Variants in NUP188 observed in about 807,000 individuals in gnomAD.
NUP188 encodes the protein nucleoporin 188.
A neutral mutation model predicts 223.0 loss-of-function variants in NUP188; 97 were observed. The observed-to-expected ratio is 0.43, with a 90% CI of 0.37 to 0.51. The LOEUF is 0.51. NUP188 is among the 20% of genes least tolerant of loss of function. NUP188 has a pLI of 0.00. For missense variants in NUP188, 1,947 were observed against 2,175.6 expected, an observed-to-expected ratio of 0.89 and a Z score of 2.09; for synonymous variants, 869 against 828.0, an observed-to-expected ratio of 1.05 and a Z score of -0.85.
intron 10 of NUP188, among the ~76,000 whole-genome samples, chr9:128,970,465 A>G (rs911937998): frequency 6.6e-6 from 1 of 152,224 alleles, no homozygotes; most frequent in Non-Finnish European, 1.5e-5. Context: ...AAGATAGAGC[A>G]TAGAAAGTTT....
At chr9:128,965,484 A>T (rs1157241874) in intron 8 of NUP188, among the ~76,000 whole-genome samples, 1 of 151,988 alleles carries the variant, frequency 6.6e-6, no homozygotes, top group Non-Finnish European at 1.5e-5. Flanking sequence ...ACAGAGTCTC[A>T]CTCTATAGCC....
Position 128,968,576 on chromosome 9 carries a change from T to G in NUP188, c.656T>G (p.Phe219Cys). Residue 219 changes from phenylalanine (F) to cysteine (C), a missense_variant, in exon 9 of 44, where the codon TTC (phenylalanine) becomes TGC (cysteine). Coordinates refer to ENST00000372577, the MANE Select transcript of NUP188 (RefSeq NM_015354.3). Reference protein sequence around the residue: ...REQSMLLEIIFLYYAYFEMAP... With the variant: ...REQSMLLEIICLYYAYFEMAP... ...CAGTCCATGCTGCTAGAAATTATTTTCCTTTATTATGCATACTTTGAGATG... is the reference window on the plus strand; with the variant it reads ...CAGTCCATGCTGCTAGAAATTATTTGCCTTTATTATGCATACTTTGAGATG... 6 of 1,614,208 alleles carry G rather than the reference T, an allele frequency of 3.7e-6. No homozygotes were observed. The highest frequency in any genetic ancestry group is 5.1e-6 in the Non-Finnish European group (6 of 1,180,012).
Position 128,972,035 on chromosome 9 carries a change from G to A in NUP188, c.1113+1077G>A, listed in dbSNP as rs577638267. ...GATCTGCCCACCTCAGCCTCCCAAA[G>A]TTCTGGGATTACAGGTGTGAGCCAC... On this transcript the variant is annotated intron_variant, in intron 11 of 43. Transcript: ENST00000372577. Among the ~76,000 whole-genome samples the A allele has an allele frequency of 2.7e-3, 411 of 152,200 alleles. 2 individuals carry two copies. Among genetic ancestry groups the A allele is most frequent in the Non-Finnish European group, 4.5e-3 (303 of 68,008 alleles).
chr9:128,966,087 G>A (rs542858481), intron 8 of NUP188, among the ~76,000 whole-genome samples: 3 of 151,808 alleles, frequency 2.0e-5, no homozygotes, highest in African/African-American at 4.8e-5. Flanking sequence ...GAACCACCGC[G>A]CCCGGACTCT....
chr9:129,002,541 G>T lies in NUP188; in HGVS notation c.4138-276G>T, dbSNP rs74495886. ...CCCAGCTACCCCTTAGAGGAAGTAT[G>T]TAGGGGCCAGAGCAGGGCAGTGACA... On this transcript the variant is annotated intron_variant, in intron 36 of 43. Transcript: ENST00000372577. Among the ~76,000 whole-genome samples, 4 of 152,358 alleles carry T rather than the reference G, an allele frequency of 2.6e-5. No individual in the cohort carries two copies. In the East Asian group the frequency reaches 7.7e-4, roughly 29 times the overall value.
At chr9:128,955,906 ATATAT>A (rs1235050395) in intron 3 of NUP188, among the ~76,000 whole-genome samples, 1 of 151,636 alleles carries the variant, frequency 6.6e-6, no homozygotes, top group Admixed American at 6.6e-5. Flanking sequence ...TAATATATTA[ATATAT>A]GTATGTATGC....
chr9:129,002,113 G>C (rs1842682313), intron 36 of NUP188, 137 bp downstream of exon 36: 2 of 689,888 alleles, frequency 2.9e-6, no homozygotes, highest in Non-Finnish European at 5.0e-6. Flanking sequence ...AATCTTCCCT[G>C]CCCCCAGGCG....
chr9:128,981,267 T>A lies in NUP188; in HGVS notation c.1393T>A (p.Tyr465Asn). 2 of 1,613,808 alleles carry A rather than the reference T, an allele frequency of 1.2e-6. No individual in the cohort carries two copies. The highest frequency in any genetic ancestry group is 1.7e-6 in the Non-Finnish European group (2 of 1,179,846). Reference sequence around the variant, plus strand: ...ATGGTTTTTTCTGTTTTGGCAGGTGTATAGCTTCTTGGATAAGATGTCTTT... The same window carrying A: ...ATGGTTTTTTCTGTTTTGGCAGGTGAATAGCTTCTTGGATAAGATGTCTTT... The part of the protein sequence containing the change: ...VSGKSTAKKV[Y>N]SFLDKMSFYN... The change falls in exon 15 of 44, where the codon TAT becomes AAT. Residue 465 changes from tyrosine (Y) to asparagine (N), a missense_variant. By Grantham distance (143) the Tyr-to-Asn change is moderately radical. Transcript: ENST00000372577.
At chr9:128,969,288 T>A in intron 9 of NUP188, 112 bp from the exon 10 acceptor site, 1 of 657,294 alleles carries the variant, frequency 1.5e-6, no homozygotes, top group South Asian at 1.9e-5. Context: ...CGTTAGCCAC[T>A]ATGCCTGGCC....
chr9:128,992,514 T>G (rs1588286866), intron 25 of NUP188, among the ~76,000 whole-genome samples: 1 of 152,244 alleles, frequency 6.6e-6, no homozygotes, highest in African/African-American at 2.4e-5. Context: ...GTTTTATGAC[T>G]GGCTTCCTTT....
At chr9:128,948,699 G>A (rs1367818232) in intron 1 of NUP188, 5 of 131,796 alleles carry the variant, frequency 3.8e-5, no homozygotes, top group Non-Finnish European at 6.4e-5. Flanking sequence ...TGTGCCAGCA[G>A]TGTTTTCCCC....
chr9:128,991,767 C>T (rs1421511369), intron 25 of NUP188, among the ~76,000 whole-genome samples: 6 of 141,146 alleles, frequency 4.3e-5, no homozygotes, highest in Non-Finnish European at 7.7e-5. Flanking sequence ...TGCTTGAACC[C>T]GGGAGGTGGA....
Position 128,983,490 on chromosome 9 carries a change from G to A in NUP188, c.1901G>A (p.Arg634His), listed in dbSNP as rs928092942. The A allele has an allele frequency of 5.6e-6, 9 of 1,613,950 alleles. 1 individual carries two copies. Among genetic ancestry groups the A allele is most frequent in the Admixed American group, 5.0e-5 (3 of 59,980 alleles). The change falls in exon 19 of 44, where the codon CGT (arginine) becomes CAT (histidine). Residue 634 changes from arginine (R) to histidine (H), a missense_variant. Arg to His is a conservative substitution (Grantham distance 29). This residue lies in a region of NUP188 where 817 missense variants were observed against 865.8 expected (regional missense o/e 0.94). Transcript: ENST00000372577. Reference sequence around the variant, plus strand: ...CCTTCTCAGGTCTGGACTGATCTTCGTCACACAGGTTTTTTACCATTTGTG... The same window carrying A: ...CCTTCTCAGGTCTGGACTGATCTTCATCACACAGGTTTTTTACCATTTGTG... The part of the protein sequence containing the change: ...RNPAKVWTDL[R>H]HTGFLPFVAH...
intron 13 of NUP188, among the ~76,000 whole-genome samples, chr9:128,979,546 A>G (rs1032246955): frequency 4.6e-5 from 7 of 152,154 alleles, no homozygotes; most frequent in African/African-American, 1.7e-4. Context: ...AGAGGCAGCC[A>G]GAACCCAGTT....
chr9:128,966,462 G>A (rs1842032417), intron 8 of NUP188, among the ~76,000 whole-genome samples: 1 of 151,330 alleles, frequency 6.6e-6, no homozygotes, highest in Non-Finnish European at 1.5e-5. Context: ...CTGCAGCCTT[G>A]ACCTCCTGGG....
At chr9:128,998,703 TAGTG>T (rs1294293598) in intron 32 of NUP188, 80 bp downstream of exon 32, 2 of 1,155,196 alleles carry the variant, frequency 1.7e-6, no homozygotes, top group East Asian at 4.7e-5. Flanking sequence ...AAGGGAGAAA[TAGTG>T]GGTGGAAGCT....
intron 8 of NUP188, among the ~76,000 whole-genome samples, chr9:128,967,999 C>T (rs749415904): frequency 3.3e-5 from 5 of 152,110 alleles, no homozygotes; most frequent in African/African-American, 1.2e-4. Context: ...CAGTGGCTTA[C>T]GCCTTTAATC....
chr9:128,979,380 G>A, intron 13 of NUP188, 53 bp downstream of exon 13: 2 of 1,338,528 alleles, frequency 1.5e-6, no homozygotes, highest in Non-Finnish European at 2.1e-6. Context: ...TCAAACACTT[G>A]TTTTCTTACA....
At chr9:128,987,978 T>C in intron 23 of NUP188, 69 bp from the exon 24 acceptor site, 1 of 1,516,302 alleles carries the variant, frequency 6.6e-7, no homozygotes, top group South Asian at 1.2e-5. Flanking sequence ...ATCTAATTCA[T>C]GAGAGCACAT....
Sources: gnomAD v4.1 joint callset for allele counts (sites outside exome capture counted in the v4.1 genomes callset) on GRCh38, gnomAD v4.1.1 for gene constraint, gnomAD v4.1.1 regional missense constraint, MANE v1.5 for transcripts, NCBI Gene and HGNC (gene_info 2026-07-23, HGNC 2026-07-21) for gene names.